The following GABRB1 variants were observed in gnomAD, a reference collection of about 807,000 sequenced individuals.
GABRB1 encodes the protein gamma-aminobutyric acid type A receptor subunit beta1, also known as gamma-aminobutyric acid receptor subunit beta-1.
GABRB1 carries 17 observed loss-of-function variants against 51.6 expected under a neutral mutation model. The ratio of observed to expected loss-of-function variants is 0.33; its 90% CI spans 0.23 to 0.49. The LOEUF is 0.49. GABRB1 is among the 20% of genes least tolerant of loss of function. The pLI is 0.99. For synonymous variants in GABRB1, 247 were observed against 218.9 expected, an observed-to-expected ratio of 1.13 and a Z score of -1.14; for missense variants, 410 against 600.6, an observed-to-expected ratio of 0.68 and a Z score of 3.32.
intron 5 of GABRB1, among the ~76,000 whole-genome samples, chr4:47,357,570 T>A (rs1390880541): frequency 6.6e-6 from 1 of 152,148 alleles, no homozygotes; most frequent in Non-Finnish European, 1.5e-5. Context: ...AAATGTCAAA[T>A]TGGAAGTTAG....
chr4:47,346,323 T>C (rs1339822865), intron 5 of GABRB1, among the ~76,000 whole-genome samples: 2 of 152,154 alleles, frequency 1.3e-5, no homozygotes, highest in Non-Finnish European at 2.9e-5. Context: ...ATCTTGACTG[T>C]GTATTGAAAA....
intron 1 of GABRB1, among the ~76,000 whole-genome samples, chr4:47,021,868 G>A (rs866126329): frequency 1.3e-5 from 2 of 151,964 alleles, no homozygotes; most frequent in African/African-American, 2.4e-5. Context: ...GATATGTTAG[G>A]TATGAATGAC....
intron 4 of GABRB1, among the ~76,000 whole-genome samples, chr4:47,286,252 T>C (rs988588944): frequency 1.3e-5 from 2 of 152,228 alleles, no homozygotes; most frequent in East Asian, 3.8e-4. Context: ...CTGAAGCCTA[T>C]ATAAATGACA....
intron 3 of GABRB1, among the ~76,000 whole-genome samples, chr4:47,158,745 G>T (rs1577960768): frequency 6.6e-6 from 1 of 152,002 alleles, no homozygotes; most frequent in East Asian, 1.9e-4. Flanking sequence ...TTATTTTCAT[G>T]GCCAACTGAG....
At chr4:47,032,099 C>A (rs1325028760) in intron 2 of GABRB1, 94 bp downstream of exon 2, 16 of 789,184 alleles carry the variant, frequency 2.0e-5, no homozygotes, top group Non-Finnish European at 2.9e-5. Flanking sequence ...AAAGGCATGT[C>A]ATTTTCGTAA....
At chr4:47,418,848 C>T (rs1212222706) in intron 8 of GABRB1, among the ~76,000 whole-genome samples, 4 of 152,140 alleles carry the variant, frequency 2.6e-5, no homozygotes, top group Admixed American at 2.6e-4. Flanking sequence ...TCTAAACATC[C>T]ATGCAGCACT....
intron 4 of GABRB1, among the ~76,000 whole-genome samples, chr4:47,258,939 A>G (rs1284839888): frequency 1.3e-5 from 2 of 152,152 alleles, no homozygotes; most frequent in East Asian, 1.9e-4. Flanking sequence ...AAAATTTCCT[A>G]GTTCTCATAT....
chr4:47,303,836 C>T (rs1198895219), intron 4 of GABRB1, among the ~76,000 whole-genome samples: 1 of 151,898 alleles, frequency 6.6e-6, no homozygotes, highest in Non-Finnish European at 1.5e-5. Flanking sequence ...CCACCCAGTC[C>T]CTGGTAACCA....
At chr4:47,075,584 A>G (rs1727510249) in intron 3 of GABRB1, among the ~76,000 whole-genome samples, 1 of 152,210 alleles carries the variant, frequency 6.6e-6, no homozygotes, top group African/African-American at 2.4e-5. Context: ...TAATTAATAA[A>G]ACTTTGAATT....
chr4:47,181,037 A>T (rs184853732), intron 4 of GABRB1, among the ~76,000 whole-genome samples: 15 of 151,972 alleles, frequency 9.9e-5, no homozygotes, highest in African/African-American at 3.1e-4. Flanking sequence ...GCACTCTGGG[A>T]TACTGTATTC....
At chr4:47,296,447 G>A (rs1207204285) in intron 4 of GABRB1, among the ~76,000 whole-genome samples, 30 of 151,038 alleles carry the variant, frequency 2.0e-4, no homozygotes, top group Admixed American at 1.5e-3. Flanking sequence ...AAAAAAGGCA[G>A]GGGTTGCAAT....
intron 1 of GABRB1, among the ~76,000 whole-genome samples, chr4:47,017,611 G>A (rs111516165): frequency 3.1e-4 from 47 of 151,948 alleles, no homozygotes; most frequent in African/African-American, 1.1e-3. Flanking sequence ...TTATGAAATC[G>A]AATGATTTAT....
intron 5 of GABRB1, among the ~76,000 whole-genome samples, chr4:47,393,816 A>C (rs1728088385): frequency 6.6e-6 from 1 of 152,210 alleles, no homozygotes; most frequent in African/African-American, 2.4e-5. Flanking sequence ...AGACCATGAG[A>C]TCCTGAAAAG....
At chr4:47,378,294 G>C (rs938535923) in intron 5 of GABRB1, among the ~76,000 whole-genome samples, 5 of 152,230 alleles carry the variant, frequency 3.3e-5, no homozygotes, top group African/African-American at 1.2e-4. Context: ...CGCTGGCCTA[G>C]GTGCTAAGCC....
chr4:47,374,612 G>A (rs946108586), intron 5 of GABRB1, among the ~76,000 whole-genome samples: 1 of 152,176 alleles, frequency 6.6e-6, no homozygotes, highest in South Asian at 2.1e-4. Flanking sequence ...TATTGAGCCT[G>A]AATTTTAGCC....
In GABRB1 at chr4:47,173,156, T is replaced by A. The variant is rs188932672; in HGVS notation, c.461+11687T>A. On this transcript the variant is annotated intron_variant, in intron 4 of 8. Coordinates refer to ENST00000295454, the MANE Select transcript of GABRB1 (RefSeq NM_000812.4). ...CCTTTTTAAATAAAGTTGTATAAAG[T>A]TGCTTAAAGCTGAGTTAGTTGTTTG... 1.5e-3 allele frequency among the ~76,000 whole-genome samples: 234 copies of A among 152,340 alleles called. 1 individual carries two copies. The highest frequency in any genetic ancestry group is 2.5e-3 in the Admixed American group (39 of 15,298).
intron 4 of GABRB1, among the ~76,000 whole-genome samples, chr4:47,213,637 C>T (rs759118339): frequency 2.0e-5 from 3 of 151,790 alleles, no homozygotes; most frequent in Non-Finnish European, 4.4e-5. Context: ...GGTTTTCTTT[C>T]TTTTTTCTTT....
At chr4:47,069,426 C>G (rs1577878369) in intron 3 of GABRB1, among the ~76,000 whole-genome samples, 2 of 152,280 alleles carry the variant, frequency 1.3e-5, no homozygotes, top group East Asian at 3.9e-4. Context: ...GCCAGAGTTT[C>G]ATTAAAAATA....
chr4:47,279,846 CTTTT>C (rs796803728), intron 4 of GABRB1, among the ~76,000 whole-genome samples: 44 of 137,142 alleles, frequency 3.2e-4, no homozygotes, highest in African/African-American at 1.1e-3. Context: ...ATAGTTTGGT[CTTTT>C]TTTTTTTTTA....
Sources: allele counts gnomAD v4.1 joint callset (sites outside exome capture counted in the v4.1 genomes callset), GRCh38; gene constraint gnomAD v4.1.1; transcripts MANE v1.5; gene names NCBI Gene and HGNC (gene_info 2026-07-23, HGNC 2026-07-21).